SLC4A1AP: variants seen among roughly 807,000 people sequenced by gnomAD.
SLC4A1AP encodes the protein kanadaptin.
A neutral mutation model predicts 89.7 loss-of-function variants in SLC4A1AP; 64 were observed. The ratio of observed to expected loss-of-function variants is 0.71; its 90% CI spans 0.58 to 0.88. The LOEUF (loss-of-function observed/expected upper bound fraction) is 0.88, where lower values mean the gene tolerates loss of function less well. Ranked by LOEUF, SLC4A1AP falls within the 40% of genes least tolerant of loss-of-function variation. SLC4A1AP has a pLI of 0.00. For missense variants in SLC4A1AP, 931 were observed against 965.0 expected, an observed-to-expected ratio of 0.96 and a Z score of 0.47; for synonymous variants, 366 against 353.3, an observed-to-expected ratio of 1.04 and a Z score of -0.40.
At chr2:27,686,377 A>G (rs1200034957) in intron 10 of SLC4A1AP, among the ~76,000 whole-genome samples, 1 of 152,220 alleles carries the variant, frequency 6.6e-6, no homozygotes, top group South Asian at 2.1e-4. Context: ...GAGGGGAGCA[A>G]TAAGTATCAT....
chr2:27,683,889 C>A (rs1011715433), intron 9 of SLC4A1AP, among the ~76,000 whole-genome samples: 1 of 152,066 alleles, frequency 6.6e-6, no homozygotes, highest in Non-Finnish European at 1.5e-5. Context: ...GCACCCACCA[C>A]CACGCCCAAC....
chr2:27,664,627 C>G (rs1675274188), intron 1 of SLC4A1AP, 50 bp downstream of exon 1: 6 of 1,365,126 alleles, frequency 4.4e-6, no homozygotes, highest in African/African-American at 1.4e-5. Flanking sequence ...GGACTGCGTT[C>G]TTGTGCTTCT....
intron 13 of SLC4A1AP, 39 bp downstream of exon 13, chr2:27,693,793 T>A (rs1422127509): frequency 2.7e-6 from 4 of 1,496,662 alleles, no homozygotes; most frequent in African/African-American, 1.4e-5. Context: ...AAGGTTCATT[T>A]ATTTATATTT....
rs1558507862 is a variant in SLC4A1AP, at chr2:27,677,943, T to G, written c.1763+19T>G. On this transcript the variant is annotated intron_variant, in intron 8 of 13. Transcript: ENST00000613058. The stretch of plus-strand genomic sequence containing the variant: ...TAAAAAAGTAAGTCTTAGTTATATT[T>G]GGAATTCTAAATAAGTATGGTAGCA... The G allele has an allele frequency of 6.6e-7, 1 of 1,518,916 alleles. No homozygotes were observed. The highest frequency in any genetic ancestry group is 9.0e-7 in the Non-Finnish European group (1 of 1,116,068). 94.1% of individuals were successfully genotyped at this position (1,518,916 alleles called of 1,614,324 possible).
chr2:27,667,158 T>TG, intron 2 of SLC4A1AP, 110 bp from the exon 3 acceptor site: 1 of 1,225,042 alleles, frequency 8.2e-7, no homozygotes, highest in Admixed American at 2.5e-5. Context: ...CATGAGCCAC[T>TG]GCGCCCAGCC....
At chr2:27,665,293 T>C (rs761932879) in exon 2 of SLC4A1AP, 1 of 1,590,918 alleles carries the variant, frequency 6.3e-7, no homozygotes, top group East Asian at 2.3e-5. Context: ...ACCTGGGGAA[T>C]GGGTAAGAAA....
chr2:27,689,876 C>A (rs1204597705), intron 12 of SLC4A1AP, among the ~76,000 whole-genome samples: 1 of 152,208 alleles, frequency 6.6e-6, no homozygotes, highest in Non-Finnish European at 1.5e-5. Context: ...TTTTCTAAAC[C>A]TTGGCCAAAA....
rs193010762 is a variant in SLC4A1AP, at chr2:27,667,539, A to G, written c.1144+149A>G. Reference sequence around the variant, plus strand: ...TTTTACTCTTGTGGTCAGTTGCTTTAGGTTTATTTTGAAAATTATTCCTCA... The same window carrying G: ...TTTTACTCTTGTGGTCAGTTGCTTTGGGTTTATTTTGAAAATTATTCCTCA... On this transcript the variant is annotated intron_variant, in intron 3 of 13. Coordinates refer to ENST00000613058, the Ensembl canonical transcript of SLC4A1AP. The G allele has an allele frequency of 1.1e-4, 82 of 731,862 alleles. No individual in the cohort carries two copies. In the African/African-American group the frequency reaches 1.4e-3, roughly 13 times the overall value. The allele number at this position is 731,862 out of a possible 1,614,324, so 45.3% of individuals were successfully genotyped here.
chr2:27,665,242 G>A, exon 2 of SLC4A1AP: 1 of 1,612,448 alleles, frequency 6.2e-7, no homozygotes, highest in Non-Finnish European at 8.5e-7. Flanking sequence ...ACCTCTGAAA[G>A]GAAGATAAAT....
intron 10 of SLC4A1AP, among the ~76,000 whole-genome samples, chr2:27,686,743 C>A (rs1169916488): frequency 6.6e-6 from 1 of 152,192 alleles, no homozygotes; most frequent in Non-Finnish European, 1.5e-5. Context: ...CACTGCTCTC[C>A]AGCCTGGGTG....
At chr2:27,665,361 G>A in intron 2 of SLC4A1AP, 66 bp downstream of exon 2, 1 of 1,380,966 alleles carries the variant, frequency 7.2e-7, no homozygotes, top group Non-Finnish European at 9.8e-7. Context: ...ACCCTTAAAT[G>A]TTTTTTTAAA....
At chr2:27,688,760 C>G in exon 12 of SLC4A1AP, 1 of 1,601,822 alleles carries the variant, frequency 6.2e-7, no homozygotes, top group East Asian at 2.2e-5. Context: ...ACACCTGGTC[C>G]AGGCAAAGTA....
exon 1 of SLC4A1AP, chr2:27,663,919 C>T (rs773941324): frequency 6.2e-7 from 1 of 1,614,172 alleles, no homozygotes; most frequent in South Asian, 1.1e-5. Context: ...TTGAGGATGG[C>T]TGACATTCTC....
At chr2:27,694,934 G>T in exon 14 of SLC4A1AP, 1 of 354,048 alleles carries the variant, frequency 2.8e-6, no homozygotes. Flanking sequence ...TTTGTAAAGT[G>T]AGAGACATGA....
intron 13 of SLC4A1AP, 116 bp from the exon 14 acceptor site, chr2:27,694,518 C>A (rs959159797): frequency 3.3e-6 from 2 of 614,212 alleles, no homozygotes; most frequent in South Asian, 9.4e-5. Context: ...AAATTTCTAC[C>A]GTAGAATAAA....
At chr2:27,686,057 G>A (rs1460325034) in intron 10 of SLC4A1AP, among the ~76,000 whole-genome samples, 1 of 152,094 alleles carries the variant, frequency 6.6e-6, no homozygotes, top group Non-Finnish European at 1.5e-5. Context: ...GGCCAAACTG[G>A]TTAGGAAGAT....
chr2:27,665,227 T>G, exon 2 of SLC4A1AP: 1 of 1,613,504 alleles, frequency 6.2e-7, no homozygotes, highest in Non-Finnish European at 8.5e-7. Flanking sequence ...GAAGAGGAAA[T>G]GGATACCTCT....
At chr2:27,664,903 T>TA (rs60597294) in intron 1 of SLC4A1AP, among the ~76,000 whole-genome samples, 197 bp from the exon 2 acceptor site, 3,465 of 138,974 alleles carry the variant, frequency 0.025, 100 homozygotes, top group African/African-American at 0.062. Context: ...CCCTGTCTCT[T>TA]AAAAAAAAAA....
chr2:27,674,023 TG>T (rs1675474894), intron 5 of SLC4A1AP, among the ~76,000 whole-genome samples: 1 of 125,252 alleles, frequency 8.0e-6, no homozygotes, highest in Non-Finnish European at 1.8e-5. Context: ...TGTGTGTGTG[TG>T]TGTGTGTCTG....
Sources: gnomAD v4.1 joint callset for allele counts (sites outside exome capture counted in the v4.1 genomes callset) on GRCh38, gnomAD v4.1.1 for gene constraint, MANE v1.5 for transcripts, NCBI Gene and HGNC (gene_info 2026-07-23, HGNC 2026-07-21) for gene names.